Variants in SHOX observed in about 807,000 individuals in gnomAD.
SHOX encodes the protein short stature homeobox protein.
Under a neutral mutation model 29.6 loss-of-function variants are expected in SHOX, and 12 were observed. That is an observed-to-expected ratio of 0.41 (90% CI 0.26 to 0.66). The LOEUF (loss-of-function observed/expected upper bound fraction) is 0.66, where lower values mean the gene tolerates loss of function less well. Among genes scored for constraint, SHOX ranks in the 30% least tolerant of loss-of-function variants. The probability of loss-of-function intolerance (pLI) is 0.35; values close to 1 mark genes in which losing one functional copy is unlikely to be tolerated. For missense variants in SHOX, 499 were observed against 437.7 expected, an observed-to-expected ratio of 1.14 and a Z score of -1.25; for synonymous variants, 214 against 200.6, an observed-to-expected ratio of 1.07 and a Z score of -0.57.
upstream of SHOX, among the ~76,000 whole-genome samples, chrX:629,455 C>G (rs1242774883): frequency 6.6e-6 from 1 of 151,780 alleles, no homozygotes; most frequent in Non-Finnish European, 1.5e-5. Context: ...ATCCCTCTGT[C>G]TCTCCCTTTC....
rs371000098 is a variant in SHOX, at chrX:632,423, G to A, written c.277+1249G>A. ...GCTGTGTCGGGGCACAGCTGGAGAC[G>A]GCTATGGACGCCTGTTATGTTTTCA... is the stretch of plus-strand genomic sequence containing the variant. On this transcript the variant is annotated intron_variant, in intron 1 of 4. Transcript: ENST00000686671. 6.2e-4 allele frequency among the ~76,000 whole-genome samples: 95 copies of A among 152,324 alleles called. 1 individual carries two copies. The South Asian group carries it at 0.017, about 27-fold the overall frequency.
rs148001264 is a variant in SHOX, at chrX:650,166, T to C, written c.*5530T>C. 0.045 allele frequency among the ~76,000 whole-genome samples: 6,794 copies of C among 152,260 alleles called. 173 individuals carry two copies. The highest frequency in any genetic ancestry group is 0.11 in the Middle Eastern group (32 of 294). ...TTCTCCAGCGCCGTGGATAAAGAGA[T>C]GGGACAGATTCTGTGCCTCTGTACG... On this transcript the variant is annotated 3_prime_UTR_variant, in exon 5 of 5. Coordinates refer to ENST00000686671, the MANE Select transcript of SHOX (RefSeq NM_000451.4).
At chrX:652,703 A>C (rs2053084703), downstream of SHOX, among the ~76,000 whole-genome samples, 1 of 152,202 alleles carries the variant, frequency 6.6e-6, no homozygotes, top group Admixed American at 6.5e-5. Context: ...CCGTGTGTCC[A>C]GGCCATTCTG....
intron 1 of SHOX, among the ~76,000 whole-genome samples, chrX:633,349 G>C (rs1317538031): frequency 1.3e-5 from 2 of 152,188 alleles, no homozygotes; most frequent in Admixed American, 1.3e-4. Context: ...AGGGAGAGCT[G>C]GGGTCGTCTC....
chrX:636,847 A>G (rs1243973890), intron 2 of SHOX, among the ~76,000 whole-genome samples: 1 of 145,196 alleles, frequency 6.9e-6, no homozygotes, highest in Non-Finnish European at 1.5e-5. Flanking sequence ...TGGGTGATTG[A>G]GTCAACACAT....
At chrX:626,250 CCT>C (rs763365538), upstream of SHOX, among the ~76,000 whole-genome samples, 367 of 149,726 alleles carry the variant, frequency 2.5e-3, 7 homozygotes, top group African/African-American at 8.5e-3. Context: ...TTCTCTCTCT[CCT>C]CTCTCTCTGT....
In SHOX at chrX:649,599, G is replaced by T. The variant is rs2053022820; in HGVS notation, c.*4963G>T. Among the ~76,000 whole-genome samples the T allele has an allele frequency of 6.6e-6, 1 of 152,132 alleles. No homozygotes were observed. The highest frequency in any genetic ancestry group is 6.5e-5 in the Admixed American group (1 of 15,268). On this transcript the variant is annotated 3_prime_UTR_variant, in exon 5 of 5. Transcript: ENST00000686671. ...TTCCTGCTTTCCCTGTGGCTTCCCG[G>T]TGAGCTCGCTCGCAGAGCAAGGAAT...
chrX:642,304 G>GC (rs1279474949), intron 4 of SHOX, among the ~76,000 whole-genome samples: 2 of 152,092 alleles, frequency 1.3e-5, no homozygotes, highest in East Asian at 3.9e-4. Context: ...CGGGCTTGGG[G>GC]GGGGGGCTCT....
At chrX:625,697 GTCTC>G (rs1231376035) in intron 1 of SHOX, among the ~76,000 whole-genome samples, 3 of 70,870 alleles carry the variant, frequency 4.2e-5, no homozygotes. Context: ...CTCTTCCTCT[GTCTC>G]TCTTTCTATC....
intron 2 of SHOX, among the ~76,000 whole-genome samples, chrX:638,256 ATT>A (rs368512268): frequency 0.032 from 4,666 of 148,020 alleles, 252 homozygotes; most frequent in African/African-American, 0.11. Context: ...ATTCTTCATC[ATT>A]TTTTTTTTTC....
rs1750027441 is a variant in SHOX, at chrX:651,159, G to C, written c.*6523G>C. 2 of 384,712 alleles carry C rather than the reference G, an allele frequency of 5.2e-6. No individual in the cohort carries two copies. The highest frequency in any genetic ancestry group is 2.1e-5 in the African/African-American group (1 of 47,098). The allele number at this position is 384,712 out of a possible 1,614,324, so 23.8% of individuals were successfully genotyped here. ...AAATATGTACTATTTTAATTATGTC[G>C]AGTGTAAATTTGACATCGCGTTGCA... On this transcript the variant is annotated 3_prime_UTR_variant, in exon 5 of 5. Transcript: ENST00000686671.
chrX:657,125 G>A (rs1348621276), intron 5 of SHOX, among the ~76,000 whole-genome samples: 4 of 149,734 alleles, frequency 2.7e-5, no homozygotes, highest in African/African-American at 7.4e-5. Flanking sequence ...TTGCACCACT[G>A]CCCTCCAGCC....
At chrX:640,912 G>T (rs1206451548) in intron 3 of SHOX, 34 bp downstream of exon 3, 3 of 1,613,584 alleles carry the variant, frequency 1.9e-6, no homozygotes, top group Non-Finnish European at 2.5e-6. Flanking sequence ...CTGAAGCTGG[G>T]GGATCCTGCT....
At chrX:653,335 T>C (rs2053094763), downstream of SHOX, among the ~76,000 whole-genome samples, 1 of 152,240 alleles carries the variant, frequency 6.6e-6, no homozygotes, top group Non-Finnish European at 1.5e-5. Context: ...TTACGTGGTT[T>C]GAGAGACTCT....
At chrX:624,862 T>TTTTCTTTCTTTCTTTCTTTC (rs928739665) in intron 1 of SHOX, among the ~76,000 whole-genome samples, 1 of 76,810 alleles carries the variant, frequency 1.3e-5, no homozygotes, top group Non-Finnish European at 2.7e-5. Context: ...TCTTTCTTTC[T>TTTTCTTTCTTTCTTTCTTTC]TTTCTTTCTT....
chrX:636,339 C>T (rs867629649), intron 2 of SHOX, among the ~76,000 whole-genome samples: 20 of 7,644 alleles, frequency 2.6e-3, no homozygotes, highest in Middle Eastern at 0.12. Flanking sequence ...AACATATAAA[C>T]ATATATAAAT....
chrX:655,604 CTCTCTCTCTCTA>C (rs2053132109), downstream of SHOX, among the ~76,000 whole-genome samples: 15 of 38,022 alleles, frequency 3.9e-4, no homozygotes, highest in East Asian at 1.8e-3. Context: ...CTCTCTCTCT[CTCTCTCTCTCTA>C]TATATATATA....
At chrX:634,870 T>C (rs1569493728) in intron 2 of SHOX, 44 bp downstream of exon 2, 1 of 1,536,876 alleles carries the variant, frequency 6.5e-7, no homozygotes, top group Non-Finnish European at 8.8e-7. Context: ...AGCCATCGCC[T>C]GGTCCTCGGG....
chrX:627,381 G>C (rs1457489824), upstream of SHOX, among the ~76,000 whole-genome samples: 2 of 152,186 alleles, frequency 1.3e-5, no homozygotes, highest in Non-Finnish European at 1.5e-5. Context: ...GAAGGGCAGG[G>C]AGAGAACGTA....
Sources: allele counts gnomAD v4.1 joint callset (sites outside exome capture counted in the v4.1 genomes callset), GRCh38; gene constraint gnomAD v4.1.1; transcripts MANE v1.5; gene names NCBI Gene and HGNC (gene_info 2026-07-23, HGNC 2026-07-21).